The following LAMB4 variants were observed in gnomAD, a reference collection of about 807,000 sequenced individuals.
LAMB4 encodes the protein laminin subunit beta-4.
LAMB4 carries 196 observed loss-of-function variants against 199.2 expected under a neutral mutation model. The ratio of observed to expected loss-of-function variants is 0.98; its 90% CI spans 0.88 to 1.11. The LOEUF (loss-of-function observed/expected upper bound fraction) is 1.11, where lower values mean the gene tolerates loss of function less well. Ranked by LOEUF, LAMB4 falls within the 50% of genes least tolerant of loss-of-function variation. The probability of loss-of-function intolerance (pLI) is 0.00; values close to 1 mark genes in which losing one functional copy is unlikely to be tolerated. For missense variants in LAMB4, 2,080 were observed against 2,171.2 expected, an observed-to-expected ratio of 0.96 and a Z score of 0.83; for synonymous variants, 744 against 770.6, an observed-to-expected ratio of 0.97 and a Z score of 0.57.
chr7:108,048,893 G>A lies in LAMB4; in HGVS notation c.4122+433C>T, dbSNP rs529642516. Among the ~76,000 whole-genome samples, 11 of 151,908 alleles carry A rather than the reference G, an allele frequency of 7.2e-5. No individual in the cohort carries two copies. In the South Asian group the frequency reaches 2.1e-3, roughly 29 times the overall value. ...TTTTGTAGAGACGGGGTTTCACCATGTTGGCCAGGCTGGTCTCGAACTCCT... is the reference window on the plus strand; with the variant it reads ...TTTTGTAGAGACGGGGTTTCACCATATTGGCCAGGCTGGTCTCGAACTCCT... On this transcript the variant is annotated intron_variant, in intron 27 of 33. Coordinates refer to ENST00000388781, the MANE Select transcript of LAMB4 (RefSeq NM_007356.3).
chr7:108,052,671 C>T (rs1359243992), intron 25 of LAMB4, among the ~76,000 whole-genome samples: 1 of 152,176 alleles, frequency 6.6e-6, no homozygotes, highest in African/African-American at 2.4e-5. Flanking sequence ...CAAATCAGGT[C>T]TTCATTTAGA....
At chr7:108,061,356 G>A (rs2036152902) in intron 23 of LAMB4, among the ~76,000 whole-genome samples, 1 of 152,164 alleles carries the variant, frequency 6.6e-6, no homozygotes, top group Non-Finnish European at 1.5e-5. Flanking sequence ...GTTAATAATA[G>A]AAGAAACTGG....
chr7:108,022,601 A>G (rs2034715267), downstream of LAMB4, among the ~76,000 whole-genome samples: 1 of 152,178 alleles, frequency 6.6e-6, no homozygotes, highest in South Asian at 2.1e-4. Flanking sequence ...TTAGATAACT[A>G]AAGTCTCAAG....
intron 29 of LAMB4, 48 bp from the exon 30 acceptor site, chr7:108,037,643 A>G: frequency 7.2e-7 from 1 of 1,386,238 alleles, no homozygotes; most frequent in Non-Finnish European, 1.0e-6. Flanking sequence ...CTTAACAAAC[A>G]CTGTATCTTA....
chr7:108,038,170 T>A (rs1268179366), intron 29 of LAMB4, among the ~76,000 whole-genome samples: 1 of 152,124 alleles, frequency 6.6e-6, no homozygotes, highest in Non-Finnish European at 1.5e-5. Flanking sequence ...AAACTTTTTT[T>A]TTTTTGAGAC....
In LAMB4 at chr7:108,065,763, C is replaced by T. The variant is rs73725316; in HGVS notation, c.2835G>A (p.Thr945=). 2,332 of 1,613,076 alleles carry T rather than the reference C, an allele frequency of 1.4e-3. 37 individuals are homozygous for T. In the African/African-American group the frequency reaches 0.027, roughly 19 times the overall value. The change falls in exon 21 of 34, where the codon ACG becomes ACA. Residue 945 remains threonine, a splice_region_variant and synonymous_variant. Transcript: ENST00000388781. ...TGCATCAAGCACTATACTGCATACC[C>T]GTATAACCTTGAAGACAATTGCAGA... is the stretch of plus-strand genomic sequence containing the variant. ...DVICNCLQGY[T]GTQCGECSTG...
chr7:108,123,115 GACA>G lies in LAMB4; in HGVS notation c.34+13_34+15del. The G allele has an allele frequency of 6.2e-7, 1 of 1,600,132 alleles. No individual in the cohort carries two copies. The highest frequency in any genetic ancestry group is 1.7e-4 in the Middle Eastern group (1 of 6,008). On this transcript the variant is annotated intron_variant, in intron 2 of 33. Transcript: ENST00000388781. The stretch of plus-strand genomic sequence containing the variant: ...ACAGCGCAAGCAGTAAATAGATTTT[GACA>G]ACAAATACTCACCAAGGTGCAAAAA...
rs2150523008 is a variant in LAMB4 at position 108,049,408 on chromosome 7, T to C, written c.4040A>G (p.Asp1347Gly). The C allele has an allele frequency of 1.9e-6, 3 of 1,594,458 alleles. No homozygotes were observed. The highest frequency in any genetic ancestry group is 2.6e-6 in the Non-Finnish European group (3 of 1,163,714). Residue 1347 changes from aspartate (D) to glycine (G), a missense_variant, in exon 27 of 34, where the codon GAT becomes GGT. Transcript: ENST00000388781. The stretch of plus-strand genomic sequence containing the variant: ...CAAGTTTCCTTTTGAGGTTAGTGTA[T>C]CTAAGATGGTAAGTAAGTCATTCCT... ...NTRNDLLTIL[D>G]TLTSKGNLSL... is the part of the protein sequence containing the mutation.
chr7:108,073,069 G>A (rs760310034), intron 17 of LAMB4, among the ~76,000 whole-genome samples: 3 of 152,176 alleles, frequency 2.0e-5, no homozygotes, highest in Admixed American at 2.0e-4. Context: ...ACAGTGGCAC[G>A]ATCTCAGCTC....
chr7:108,105,741 G>A, intron 8 of LAMB4, 76 bp downstream of exon 8: 1 of 1,230,986 alleles, frequency 8.1e-7, no homozygotes, highest in Non-Finnish European at 1.2e-6. Context: ...CATGTGGAGT[G>A]TCTCATCTAT....
intron 29 of LAMB4, among the ~76,000 whole-genome samples, chr7:108,039,466 CTTTCT>C (rs982222570): frequency 6.6e-5 from 9 of 135,850 alleles, no homozygotes; most frequent in African/African-American, 2.4e-4. Context: ...ACAGTACTTT[CTTTCT>C]TTTTTTTTTT....
At chr7:108,098,380 C>T (rs780983050) in intron 11 of LAMB4, 23 bp downstream of exon 11, 2 of 1,513,320 alleles carry the variant, frequency 1.3e-6, no homozygotes, top group South Asian at 2.4e-5. Context: ...GGACACTCCC[C>T]CGACCCCCGA....
In LAMB4 at chr7:108,065,802, C is replaced by T. The variant is rs529962830; in HGVS notation, c.2796G>A (p.Trp932Ter). ...GACAATTGCAGATTACATCTGAGCT[C>T]CACAGATTCTGATAACAGGAATGGG... ...YFAHSCYQNLWSSDVICNCLQ... is the reference protein window; with the variant it reads ...YFAHSCYQNL The change falls in exon 21 of 34, where the codon TGG (tryptophan) becomes TGA (stop). Residue 932 changes from tryptophan (W) to a stop codon, truncating the protein, a stop_gained. Coordinates refer to ENST00000388781, the MANE Select transcript of LAMB4 (RefSeq NM_007356.3). LOFTEE classifies it high-confidence loss of function. 5.0e-6 allele frequency: 8 copies of T among 1,614,054 alleles called. No homozygotes were observed. The African/African-American group carries it at 6.7e-5, about 13-fold the overall frequency.
chr7:108,014,821 GA>G, the LAMB4 span, among the ~76,000 whole-genome samples: 1 of 151,662 alleles, frequency 6.6e-6, no homozygotes, highest in Admixed American at 6.6e-5. Flanking sequence ...CTCCCTGGCT[GA>G]ACTGATCCTC....
chr7:108,078,361 A>G, intron 15 of LAMB4, 45 bp from the exon 16 acceptor site: 3 of 1,263,532 alleles, frequency 2.4e-6, no homozygotes, highest in Non-Finnish European at 3.4e-6. Flanking sequence ...AGGATGCAGG[A>G]AAATGTTTTG....
rs548691455 is a variant in LAMB4, at chr7:108,102,335, T to C, written c.1180+709A>G. Among the ~76,000 whole-genome samples, 5 of 152,278 alleles carry C rather than the reference T, an allele frequency of 3.3e-5. No individual in the cohort carries two copies. In the East Asian group the frequency reaches 9.6e-4, roughly 29 times the overall value. On this transcript the variant is annotated intron_variant, in intron 10 of 33. Transcript: ENST00000388781. Reference sequence around the variant, plus strand: ...GACACATACAAAATGACATAATCTATCTAAACTTTGAAAACATGTCAACAT... The same window carrying C: ...GACACATACAAAATGACATAATCTACCTAAACTTTGAAAACATGTCAACAT...
Position 108,082,073 on chromosome 7 carries a change from G to T in LAMB4, c.1702-2287C>A, listed in dbSNP as rs533345991. On this transcript the variant is annotated intron_variant, in intron 14 of 33. Coordinates refer to ENST00000388781, the MANE Select transcript of LAMB4 (RefSeq NM_007356.3). ...CGGCCGGGTGAGGTGGCTCACGCCTGTAATCCTAGCACTTTGGGAGGCCGA... is the reference window on the plus strand; with the variant it reads ...CGGCCGGGTGAGGTGGCTCACGCCTTTAATCCTAGCACTTTGGGAGGCCGA... Among the ~76,000 whole-genome samples the T allele has an allele frequency of 2.0e-5, 3 of 152,288 alleles. No individual in the cohort carries two copies. The South Asian group carries it at 6.2e-4, about 32-fold the overall frequency.
At position 108,041,053 on chromosome 7, in the gene LAMB4, G is replaced by GA. The variant is rs974776146; in HGVS notation, c.4471+2698dup. Reference sequence around the variant, plus strand: ...ATCTATAAGGAACTTAAATCTACAAGAAAAAAACAACCCCCTTAAAAAGTG... The same window carrying GA: ...ATCTATAAGGAACTTAAATCTACAAGAAAAAAAACAACCCCCTTAAAAAGTG... On this transcript the variant is annotated intron_variant, in intron 29 of 33. Coordinates refer to ENST00000388781, the MANE Select transcript of LAMB4 (RefSeq NM_007356.3). 8.6e-5 allele frequency among the ~76,000 whole-genome samples: 13 copies of GA among 151,698 alleles called. No individual in the cohort carries two copies. The South Asian group carries it at 1.0e-3, about 12-fold the overall frequency.
chr7:108,052,154 C>T lies in LAMB4; in HGVS notation c.3859G>A (p.Glu1287Lys). The T allele has an allele frequency of 6.2e-7, 1 of 1,612,662 alleles. No individual in the cohort carries two copies. ...AAATCAATTTCTTCCTGAAGGTCTT[C>T]AAGTAAGAGGTCTGCTTCATTCTTT... is the stretch of plus-strand genomic sequence containing the variant. ...RAKNEADLLLEDLQEEIDLQS... is the reference protein window; with the variant it reads ...RAKNEADLLLKDLQEEIDLQS... The change falls in exon 26 of 34, where the codon GAA (glutamate) becomes AAA (lysine). Residue 1287 changes from glutamate (E) to lysine (K), a missense_variant. By Grantham distance (56) the Glu-to-Lys change is moderately conservative. Coordinates refer to ENST00000388781, the MANE Select transcript of LAMB4 (RefSeq NM_007356.3).
Sources: allele counts gnomAD v4.1 joint callset (sites outside exome capture counted in the v4.1 genomes callset), GRCh38; gene constraint gnomAD v4.1.1; transcripts MANE v1.5; gene names NCBI Gene and HGNC (gene_info 2026-07-23, HGNC 2026-07-21).